The following EMC3 variants were observed in gnomAD, a reference collection of about 807,000 sequenced individuals.
EMC3 encodes the protein ER membrane protein complex subunit 3, also known as 30 kDa protein.
Under a neutral mutation model 36.6 loss-of-function variants are expected in EMC3, and 13 were observed. The observed-to-expected ratio is 0.35, with a 90% CI of 0.23 to 0.56. The LOEUF (loss-of-function observed/expected upper bound fraction) is 0.56. Ranked by LOEUF, EMC3 falls within the 20% of genes least tolerant of loss-of-function variation. EMC3 has a pLI of 0.84. For synonymous variants in EMC3, 120 were observed against 111.9 expected (o/e 1.07, Z -0.46); for missense variants, 220 against 324.5 (o/e 0.68, Z 2.47).
At chr3:9,981,056 T>C (rs570175430) in intron 1 of EMC3, among the ~76,000 whole-genome samples, 24 of 152,220 alleles carry the variant, frequency 1.6e-4, no homozygotes, top group African/African-American at 5.5e-4. Flanking sequence ...AATTTAAACA[T>C]TAGCCAGGTG....
At position 9,992,867 on chromosome 3, in the gene EMC3, A is replaced by G. The variant is rs771608620; in HGVS notation, c.-241-5965T>C. On this transcript the variant is annotated intron_variant, in intron 1 of 8. Transcript: ENST00000470827. The stretch of plus-strand genomic sequence containing the variant: ...GTTAACTGTTTTTCTATTATTGCAT[A>G]TTTATTGACCTGGTGATGCTTTTCA... The G allele has an allele frequency of 2.2e-4, 316 of 1,465,144 alleles. 1 individual carries two copies. The highest frequency in any genetic ancestry group is 2.9e-4 in the Non-Finnish European group (307 of 1,046,094). 90.8% of individuals were successfully genotyped at this position (1,465,144 alleles called of 1,614,324 possible). A position where few individuals can be genotyped will look rare whatever the true frequency, so the allele number is the denominator to read the frequency against.
rs776166163 is a variant in EMC3, at chr3:9,986,809, C to T, written c.-148G>A. On this transcript the variant is annotated 5_prime_UTR_variant, in exon 1 of 8. Coordinates refer to ENST00000245046, the MANE Select transcript of EMC3 (RefSeq NM_001394674.1). Reference sequence around the variant, plus strand: ...CTCCTGCGACTGTGAGCCGAGCTTACTGCCTTCAGCTGGGCTGCCTGGTCT... The same window carrying T: ...CTCCTGCGACTGTGAGCCGAGCTTATTGCCTTCAGCTGGGCTGCCTGGTCT... 2.1e-6 allele frequency: 3 copies of T among 1,431,208 alleles called. No individual in the cohort carries two copies. Among genetic ancestry groups the T allele is most frequent in the Middle Eastern group, 2.6e-4 (1 of 3,806 alleles). 88.7% of individuals were successfully genotyped at this position (1,431,208 alleles called of 1,614,324 possible). A position where few individuals can be genotyped will look rare whatever the true frequency, so the allele number is the denominator to read the frequency against.
chr3:9,980,162 C>T (rs2085894413), intron 1 of EMC3, among the ~76,000 whole-genome samples: 1 of 151,866 alleles, frequency 6.6e-6, no homozygotes, highest in Non-Finnish European at 1.5e-5. Context: ...TACAGGCGCG[C>T]ACCACCATGC....
chr3:9,995,409 T>C (rs1489478693), intron 1 of EMC3, among the ~76,000 whole-genome samples: 2 of 151,716 alleles, frequency 1.3e-5, no homozygotes, highest in Non-Finnish European at 2.9e-5. Context: ...TAGAGCTCAC[T>C]GATAAAATAT....
At chr3:9,970,711 A>G (rs770045345) in intron 5 of EMC3, 50 bp from the exon 6 acceptor site, 2 of 1,588,966 alleles carry the variant, frequency 1.3e-6, no homozygotes, top group Non-Finnish European at 1.7e-6. Flanking sequence ...ATCAGAGAGT[A>G]ATGCAGTTCC....
chr3:9,986,772 T>C lies in EMC3; in HGVS notation c.-111A>G. 2.0e-6 allele frequency: 3 copies of C among 1,531,604 alleles called. No homozygotes were observed. Among genetic ancestry groups the C allele is most frequent in the Non-Finnish European group, 2.6e-6 (3 of 1,140,660 alleles). 94.9% of individuals were successfully genotyped at this position (1,531,604 alleles called of 1,614,324 possible). A position where few individuals can be genotyped will look rare whatever the true frequency, so the allele number is the denominator to read the frequency against. ...GCCTTCTCAAGCCCCTTTGCCCGTG[T>C]ACCCCAGAACTCTCCTGCGACTGTG... On this transcript the variant is annotated 5_prime_UTR_variant, in exon 1 of 8. Coordinates refer to ENST00000245046, the MANE Select transcript of EMC3 (RefSeq NM_001394674.1).
At chr3:9,973,569 C>T (rs1405921238) in intron 5 of EMC3, 59 bp downstream of exon 5, 1 of 1,486,700 alleles carries the variant, frequency 6.7e-7, no homozygotes, top group Admixed American at 1.7e-5. Context: ...AAGTGATCCT[C>T]CCGCCTTGGC....
intron 3 of EMC3, among the ~76,000 whole-genome samples, chr3:9,975,262 C>T (rs1183145901): frequency 1.3e-5 from 2 of 152,128 alleles, no homozygotes; most frequent in African/African-American, 4.8e-5. Flanking sequence ...TGCCAATAAA[C>T]GATAAATGAT....
rs754309157 is a variant in EMC3 at position 9,986,584 on chromosome 3, G to T, written c.78C>A (p.Phe26Leu). The T allele has an allele frequency of 2.1e-5, 34 of 1,614,206 alleles. 1 individual carries two copies. In the South Asian group the frequency reaches 3.7e-4, roughly 18 times the overall value. The change falls in exon 1 of 8, where the codon TTC becomes TTA. Residue 26 changes from phenylalanine (F) to leucine (L), a missense_variant. Transcript: ENST00000245046. ...ACACGTAGTGGCGGATCATGCCTAC[G>T]AAGAAAGTGATGATAACGATGGGTA... The part of the protein sequence containing the change: ...VVLPIVIITF[F>L]VGMIRHYVSI...
At chr3:9,964,301 C>G (rs2085716538) in intron 7 of EMC3, 104 bp from the exon 8 acceptor site, 2 of 1,504,942 alleles carry the variant, frequency 1.3e-6, no homozygotes, top group Middle Eastern at 2.2e-4. Context: ...CTGGAGTGAG[C>G]TATCTGCATG....
intron 5 of EMC3, among the ~76,000 whole-genome samples, chr3:9,973,237 C>T (rs554319748): frequency 4.0e-5 from 6 of 151,490 alleles, no homozygotes; most frequent in African/African-American, 1.5e-4. Flanking sequence ...CTCTGTCGCC[C>T]AGGCTGGAGT....
At chr3:10,008,390 T>C in intron 1 of EMC3, 1 of 1,367,346 alleles carries the variant, frequency 7.3e-7, no homozygotes, top group Non-Finnish European at 9.8e-7. Flanking sequence ...GAGAAGGTCC[T>C]TTCAAGTGTC....
intron 6 of EMC3, 99 bp downstream of exon 6, chr3:9,970,483 T>A (rs1471124550): frequency 3.9e-6 from 5 of 1,292,298 alleles, no homozygotes; most frequent in Non-Finnish European, 4.5e-6. Flanking sequence ...TTTATTTGAC[T>A]ATGGTAACAA....
chr3:9,997,763 A>G (rs1042324770), intron 1 of EMC3, among the ~76,000 whole-genome samples: 4 of 151,638 alleles, frequency 2.6e-5, no homozygotes, highest in East Asian at 3.9e-4. Context: ...CCCGGCCCCC[A>G]TTCTTTGTTT....
chr3:9,996,013 C>G (rs1167602151), intron 1 of EMC3, among the ~76,000 whole-genome samples: 1 of 152,194 alleles, frequency 6.6e-6, no homozygotes, highest in Non-Finnish European at 1.5e-5. Context: ...TCAAAAAGCT[C>G]TGTCTATTAG....
chr3:10,007,192 A>G (rs974485994), intron 1 of EMC3: 2 of 774,860 alleles, frequency 2.6e-6, no homozygotes, highest in African/African-American at 1.9e-5. Flanking sequence ...CACCCACAGC[A>G]AATCATTAGT....
intron 5 of EMC3, 32 bp from the exon 6 acceptor site, chr3:9,970,693 G>C: frequency 6.2e-7 from 1 of 1,609,130 alleles, no homozygotes; most frequent in Non-Finnish European, 8.5e-7. Flanking sequence ...GGTGTGGTTA[G>C]TTATTATATC....
At chr3:10,002,228 A>G (rs966630032) in intron 1 of EMC3, among the ~76,000 whole-genome samples, 4 of 146,520 alleles carry the variant, frequency 2.7e-5, no homozygotes, top group Admixed American at 2.1e-4. Context: ...CATGAAGACA[A>G]TAGCTCTTTC....
At position 9,963,730 on chromosome 3, in the gene EMC3, C is replaced by T. The variant is rs1052926682; in HGVS notation, c.*339G>A. Reference sequence around the variant, plus strand: ...TGATCTCGTGACCCACCCGCCTCAGCCTCCCAAAATCCTGGGATTACAGGC... The same window carrying T: ...TGATCTCGTGACCCACCCGCCTCAGTCTCCCAAAATCCTGGGATTACAGGC... On this transcript the variant is annotated 3_prime_UTR_variant, in exon 8 of 8. Transcript: ENST00000245046. 5.8e-6 allele frequency: 1 copy of T among 173,672 alleles called. No homozygotes were observed. Among genetic ancestry groups the T allele is most frequent in the East Asian group, 1.6e-4 (1 of 6,180 alleles). The allele number at this position is 173,672 out of a possible 1,614,324, so 10.8% of individuals were successfully genotyped here.
Sources: allele counts gnomAD v4.1 joint callset (sites outside exome capture counted in the v4.1 genomes callset), GRCh38; gene constraint gnomAD v4.1.1; transcripts MANE v1.5; gene names NCBI Gene and HGNC (gene_info 2026-07-23, HGNC 2026-07-21).